NAT10: variants seen among roughly 807,000 people sequenced by gnomAD.
NAT10 encodes the protein N-acetyltransferase 10.
NAT10 carries 109 observed loss-of-function variants against 132.2 expected under a neutral mutation model. The ratio of observed to expected loss-of-function variants is 0.82; its 90% CI spans 0.71 to 0.97. The LOEUF is 0.97. NAT10 is among the 50% of genes least tolerant of loss of function. The pLI is 0.00. For synonymous variants in NAT10, 479 were observed against 478.0 expected, an observed-to-expected ratio of 1.00 and a Z score of -0.03; for missense variants, 1,184 against 1,263.4, an observed-to-expected ratio of 0.94 and a Z score of 0.95.
chr11:34,120,500 A>G (rs1851874512), intron 8 of NAT10, among the ~76,000 whole-genome samples: 1 of 152,218 alleles, frequency 6.6e-6, no homozygotes. Context: ...ACAACTTCTC[A>G]GGACCATCTG....
At position 34,141,173 on chromosome 11, in the gene NAT10, G is replaced by T; in HGVS notation, c.2677G>T (p.Gly893Ter). ...EIELPSGQLM[G>*]LFNRIIRKVV... ...TGAGCTGCCCTCGGGCCAGTTGATG[G>T]GACTTTTCAACCGGATCATCCGCAA... The change falls in exon 25 of 29, where the codon GGA (glycine) becomes TGA (stop). Residue 893 changes from glycine to a stop codon, truncating the protein, a stop_gained. Transcript: ENST00000257829. LOFTEE classifies it high-confidence loss of function. The T allele has an allele frequency of 6.2e-7, 1 of 1,613,956 alleles. No individual in the cohort carries two copies. Among genetic ancestry groups the T allele is most frequent in the Non-Finnish European group, 8.5e-7 (1 of 1,179,992 alleles).
At position 34,136,690 on chromosome 11, in the gene NAT10, C is replaced by T; in HGVS notation, c.2077C>T (p.Pro693Ser). The T allele has an allele frequency of 6.2e-7, 1 of 1,614,176 alleles. No homozygotes were observed. The highest frequency in any genetic ancestry group is 8.5e-7 in the Non-Finnish European group (1 of 1,180,030). ...EVITPRKDLP[P>S]LLLKLNERPA... ...CATCACTCCCCGGAAGGACCTGCCTCCTTTACTCCTCAAATTGAATGAGAG... is the reference window on the plus strand; with the variant it reads ...CATCACTCCCCGGAAGGACCTGCCTTCTTTACTCCTCAAATTGAATGAGAG... The change falls in exon 20 of 29, where the codon CCT becomes TCT. Residue 693 changes from proline (P) to serine (S), a missense_variant. Coordinates refer to ENST00000257829, the MANE Select transcript of NAT10 (RefSeq NM_024662.3).
intron 10 of NAT10, 152 bp from the exon 11 acceptor site, chr11:34,124,150 G>C (rs972359723): frequency 3.3e-6 from 2 of 610,430 alleles, no homozygotes; most frequent in Non-Finnish European, 5.6e-6. Flanking sequence ...GCCTGGGCTC[G>C]AAACTCCATC....
Position 34,136,996 on chromosome 11 carries a change from A to G in NAT10, c.2181A>G (p.Gly727=), listed in dbSNP as rs750457933. The change falls in exon 21 of 29, where the codon GGA becomes GGG. Residue 727 remains glycine (G), a synonymous_variant. Transcript: ENST00000257829. ...TTTGCAGGTTCTGGAAACGAGCTGG[A>G]TTTGTTCCTGTTTATCTGAGACAGA... ...PRLLKFWKRA[G]FVPVYLRQTP... is the part of the protein sequence containing the mutation. 1.2e-5 allele frequency: 19 copies of G among 1,614,082 alleles called. No homozygotes were observed. The South Asian group carries it at 1.9e-4, about 16-fold the overall frequency.
intron 28 of NAT10, among the ~76,000 whole-genome samples, chr11:34,145,287 G>C (rs1412880386): frequency 2.0e-5 from 3 of 152,242 alleles, no homozygotes; most frequent in Non-Finnish European, 4.4e-5. Context: ...TGATGGCTCT[G>C]AGTAAATGTG....
At chr11:34,129,658 A>AGT (rs1852069460) in intron 12 of NAT10, among the ~76,000 whole-genome samples, 1 of 116,554 alleles carries the variant, frequency 8.6e-6, no homozygotes, top group Admixed American at 1.3e-4. Context: ...CCAAGGCTGG[A>AGT]GTGCAGTGGT....
At chr11:34,145,925 C>G (rs1852431197) in intron 28 of NAT10, among the ~76,000 whole-genome samples, 159 bp from the exon 29 acceptor site, 1 of 152,274 alleles carries the variant, frequency 6.6e-6, no homozygotes, top group East Asian at 1.9e-4. Context: ...ATGCCTGCCC[C>G]CTAATAGGTT....
In NAT10 at chr11:34,112,069, T is replaced by A. The variant is rs765851151; in HGVS notation, c.218T>A (p.Met73Lys). The A allele has an allele frequency of 8.1e-6, 13 of 1,614,166 alleles. No homozygotes were observed. In the Admixed American group the frequency reaches 2.2e-4, roughly 27 times the overall value. ...LGFSSHRKKR[M>K]RQLQKKIKNG... ...GATTGCAGTCACCGGAAGAAAAGAA[T>A]GCGACAGCTGCAGAAGAAAATAAAG... Residue 73 changes from methionine (M) to lysine (K), a missense_variant, in exon 4 of 29, where the codon ATG becomes AAG. Transcript: ENST00000257829.
rs1852120035 is a variant in NAT10, at chr11:34,132,260, G to A, written c.1617+39G>A. On this transcript the variant is annotated intron_variant, in intron 15 of 28. Coordinates refer to ENST00000257829, the MANE Select transcript of NAT10 (RefSeq NM_024662.3). ...GCCCTTGTGTGAATGGTAGCAGGGA[G>A]CTTCAGCATTTGGCAGTCCCCTTTT... The A allele has an allele frequency of 3.3e-6, 5 of 1,518,284 alleles. No individual in the cohort carries two copies. In the East Asian group the frequency reaches 6.8e-5, roughly 21 times the overall value. The allele number at this position is 1,518,284 out of a possible 1,614,324, so 94.1% of individuals were successfully genotyped here.
chr11:34,138,801 T>TATCATTAAAA, intron 21 of NAT10: 1 of 172,742 alleles, frequency 5.8e-6, no homozygotes, highest in Non-Finnish European at 1.2e-5. Flanking sequence ...GTTCCTGCTG[T>TATCATTAAAA]GAGGCATCAA....
chr11:34,131,270 G>T (rs879089761), intron 13 of NAT10, 111 bp from the exon 14 acceptor site: 32 of 1,410,938 alleles, frequency 2.3e-5, no homozygotes, highest in Non-Finnish European at 2.9e-5. Context: ...CTTACCACAC[G>T]TCTCTGGCCA....
rs535642071 is a variant in NAT10, at chr11:34,146,570, T to G, written c.*378T>G. 1 of 161,270 alleles carries G rather than the reference T, an allele frequency of 6.2e-6. No individual in the cohort carries two copies. The highest frequency in any genetic ancestry group is 6.0e-5 in the Admixed American group (1 of 16,554). 10.0% of individuals were successfully genotyped at this position (161,270 alleles called of 1,614,324 possible). A position where few individuals can be genotyped will look rare whatever the true frequency, so the allele number is the denominator to read the frequency against. The stretch of plus-strand genomic sequence containing the variant: ...GCCTGAGGCCCTTAAGTACATCGCT[T>G]TCTGGTGGTGCCCAGGAGGCTGCTG... On this transcript the variant is annotated 3_prime_UTR_variant, in exon 29 of 29. Coordinates refer to ENST00000257829, the MANE Select transcript of NAT10 (RefSeq NM_024662.3).
At chr11:34,108,935 G>A (rs1463074753) in intron 3 of NAT10, 102 bp downstream of exon 3, 1 of 962,900 alleles carries the variant, frequency 1.0e-6, no homozygotes, top group East Asian at 2.6e-5. Context: ...GGTCTTTAGT[G>A]GAGGTGCTAT....
At chr11:34,115,940 A>G (rs756035284) in intron 6 of NAT10, 56 bp downstream of exon 6, 49 of 1,565,652 alleles carry the variant, frequency 3.1e-5, no homozygotes, top group Non-Finnish European at 4.0e-5. Flanking sequence ...GGACATTTTT[A>G]TCTTGGACTC....
chr11:34,124,825 T>C (rs1211917337), intron 11 of NAT10, among the ~76,000 whole-genome samples: 1 of 152,240 alleles, frequency 6.6e-6, no homozygotes, highest in Non-Finnish European at 1.5e-5. Context: ...GTTTAGCCAG[T>C]GGCCTATTTT....
Position 34,108,300 on chromosome 11 carries a change from C to CTT in NAT10, c.77_78dup (p.Val27LeufsTer3). 3 of 1,614,140 alleles carry CTT rather than the reference C, an allele frequency of 1.9e-6. No homozygotes were observed. Among genetic ancestry groups the CTT allele is most frequent in the Non-Finnish European group, 1.7e-6 (2 of 1,180,004 alleles). Reference sequence around the variant, plus strand: ...GAGTAGCTGAGCGGCAAAGATCTCTCTTTGTTGTAGTTGGGGATCGAGGAA... The same window carrying CTT: ...GAGTAGCTGAGCGGCAAAGATCTCTCTTTTTGTTGTAGTTGGGGATCGAGGAA... On this transcript the variant is annotated frameshift_variant, in exon 2 of 29. Coordinates refer to ENST00000257829, the MANE Select transcript of NAT10 (RefSeq NM_024662.3). LOFTEE classifies it high-confidence loss of function.
chr11:34,123,935 C>T lies in NAT10; in HGVS notation c.1008+80C>T, dbSNP rs1023765277. 213 of 1,100,424 alleles carry T rather than the reference C, an allele frequency of 1.9e-4. No individual in the cohort carries two copies. In the African/African-American group the frequency reaches 2.7e-3, roughly 14 times the overall value. The allele number at this position is 1,100,424 out of a possible 1,614,324, so 68.2% of individuals were successfully genotyped here. ...CTGTAATCCCAGCACTTTGGGAGGCCGACGCGGGCGGATCACCTGAGGTCG... is the reference window on the plus strand; with the variant it reads ...CTGTAATCCCAGCACTTTGGGAGGCTGACGCGGGCGGATCACCTGAGGTCG... On this transcript the variant is annotated intron_variant, in intron 10 of 28. Coordinates refer to ENST00000257829, the MANE Select transcript of NAT10 (RefSeq NM_024662.3).
rs1352740695 is a variant in NAT10, at chr11:34,146,078, C to T, written c.2970-6C>T. On this transcript the variant is annotated splice_region_variant and splice_polypyrimidine_tract_variant and intron_variant, in intron 28 of 28. Coordinates refer to ENST00000257829, the MANE Select transcript of NAT10 (RefSeq NM_024662.3). Reference sequence around the variant, plus strand: ...TTCATTCTTTCTATTTTTGATTTTTCTCTAGTGACAAGAAAAGGAAGTTAG... The same window carrying T: ...TTCATTCTTTCTATTTTTGATTTTTTTCTAGTGACAAGAAAAGGAAGTTAG... The T allele has an allele frequency of 6.3e-7, 1 of 1,581,342 alleles. No homozygotes were observed. Among genetic ancestry groups the T allele is most frequent in the Admixed American group, 1.8e-5 (1 of 55,714 alleles).
intron 26 of NAT10, 121 bp from the exon 27 acceptor site, chr11:34,142,154 T>C (rs1852346852): frequency 4.3e-6 from 4 of 925,064 alleles, no homozygotes; most frequent in South Asian, 1.5e-5. Context: ...TTTTTGCAGG[T>C]AGATGGAAGA....
Sources: gnomAD v4.1 joint callset for allele counts (sites outside exome capture counted in the v4.1 genomes callset) on GRCh38, gnomAD v4.1.1 for gene constraint, MANE v1.5 for transcripts, NCBI Gene and HGNC (gene_info 2026-07-23, HGNC 2026-07-21) for gene names.